PLCE1: variants seen among roughly 807,000 people sequenced by gnomAD.
The protein encoded by PLCE1 is 1-phosphatidylinositol 4,5-bisphosphate phosphodiesterase epsilon-1.
A neutral mutation model predicts 242.8 loss-of-function variants in PLCE1; 119 were observed. The ratio of observed to expected loss-of-function variants is 0.49; its 90% CI spans 0.42 to 0.57. PLCE1 has a LOEUF of 0.57. Ranked by LOEUF, PLCE1 falls within the 20% of genes least tolerant of loss-of-function variation. PLCE1 has a pLI of 0.00. For synonymous variants in PLCE1, 945 were observed against 1,017.4 expected (o/e 0.93, Z 1.35); for missense variants, 2,441 against 2,788.8 (o/e 0.88, Z 2.81).
chr10:94,266,948 C>T (rs2051540278), intron 16 of PLCE1, among the ~76,000 whole-genome samples: 1 of 152,176 alleles, frequency 6.6e-6, no homozygotes, highest in Admixed American at 6.5e-5. Flanking sequence ...GGCCTCAGCC[C>T]CCCACACTGA....
At chr10:94,293,463 T>C in intron 22 of PLCE1, 45 bp from the exon 23 acceptor site, 2 of 1,604,770 alleles carry the variant, frequency 1.2e-6, no homozygotes, top group Non-Finnish European at 1.7e-6. Context: ...TTGAGTTGCC[T>C]TGCTTGTAGT....
chr10:94,124,295 T>C (rs1023510710), intron 2 of PLCE1, among the ~76,000 whole-genome samples: 1 of 151,104 alleles, frequency 6.6e-6, no homozygotes, highest in South Asian at 2.1e-4. Flanking sequence ...GGAAGATCAC[T>C]TGAGCCCAAG....
chr10:94,323,903 T>G (rs2053914993), intron 30 of PLCE1, among the ~76,000 whole-genome samples: 4 of 152,196 alleles, frequency 2.6e-5, no homozygotes, highest in Admixed American at 2.6e-4. Flanking sequence ...CTTCTAAAAT[T>G]CTTTCAACAT....
At chr10:94,104,297 G>A (rs889848324) in intron 2 of PLCE1, 61 of 152,342 alleles carry the variant, frequency 4.0e-4, no homozygotes, top group African/African-American at 1.5e-3. Context: ...AAATCACATC[G>A]CTAGAGTGGC....
rs116563331 is a variant in PLCE1, at chr10:94,034,698, A to G, written c.1206+2446A>G. On this transcript the variant is annotated intron_variant, in intron 2 of 32. Transcript: ENST00000371380. ...GTAAACCTGCTTACACGTCACAGTC[A>G]CTGTCCAGACCCCTCCTCAGGCCCT... Among the ~76,000 whole-genome samples, 608 of 152,268 alleles carry G rather than the reference A, an allele frequency of 4.0e-3. 3 individuals are homozygous for G. Among genetic ancestry groups the G allele is most frequent in the African/African-American group, 0.014 (579 of 41,552 alleles).
At chr10:94,239,616 A>G (rs576033893) in intron 7 of PLCE1, among the ~76,000 whole-genome samples, 1 of 152,322 alleles carries the variant, frequency 6.6e-6, no homozygotes, top group East Asian at 1.9e-4. Context: ...CTTGGCAGTA[A>G]TCACCATTTC....
At chr10:94,177,721 C>G (rs1337927811) in intron 4 of PLCE1, among the ~76,000 whole-genome samples, 1 of 152,186 alleles carries the variant, frequency 6.6e-6, no homozygotes, top group East Asian at 1.9e-4. Flanking sequence ...TCCTTATGAC[C>G]TTACTTTTAA....
chr10:94,022,556 G>A (rs1418903905), intron 1 of PLCE1, among the ~76,000 whole-genome samples: 1 of 151,980 alleles, frequency 6.6e-6, no homozygotes, highest in Non-Finnish European at 1.5e-5. Flanking sequence ...TAGAGTAGAA[G>A]CCTAAATATA....
At chr10:94,243,285 G>A (rs2050570714) in intron 7 of PLCE1, among the ~76,000 whole-genome samples, 1 of 152,116 alleles carries the variant, frequency 6.6e-6, no homozygotes, top group South Asian at 2.1e-4. Flanking sequence ...TCCTAACTGA[G>A]GGGCCTTCAA....
Position 94,199,729 on chromosome 10 carries a change from G to A in PLCE1, c.1810-27577G>A, listed in dbSNP as rs187929698. ...ATGACCGAGATGTAAATCATTAAGC[G>A]TGAGTCAGTTTTGTCAAGAAAAATG... is the stretch of plus-strand genomic sequence containing the variant. On this transcript the variant is annotated intron_variant, in intron 4 of 32. Coordinates refer to ENST00000371380, the MANE Select transcript of PLCE1 (RefSeq NM_016341.4). Among the ~76,000 whole-genome samples the A allele has an allele frequency of 1.7e-3, 263 of 152,304 alleles. 2 individuals are homozygous for A. The highest frequency in any genetic ancestry group is 2.5e-3 in the Non-Finnish European group (170 of 68,030).
intron 4 of PLCE1, among the ~76,000 whole-genome samples, chr10:94,205,717 AACGGTTC>A (rs2049136974): frequency 6.6e-6 from 1 of 152,224 alleles, no homozygotes; most frequent in African/African-American, 2.4e-5. Context: ...CAGATCTCTA[AACGGTTC>A]ATCTGTTCAT....
At chr10:94,066,049 T>C (rs889067648) in intron 2 of PLCE1, among the ~76,000 whole-genome samples, 1 of 152,114 alleles carries the variant, frequency 6.6e-6, no homozygotes, top group Admixed American at 6.5e-5. Flanking sequence ...GCTAAGTTCA[T>C]CTATAAAACA....
At chr10:94,311,043 A>C (rs1269161665) in intron 27 of PLCE1, among the ~76,000 whole-genome samples, 1 of 152,202 alleles carries the variant, frequency 6.6e-6, no homozygotes, top group Admixed American at 6.5e-5. Flanking sequence ...TGATCAGAAC[A>C]GATGTACTTC....
chr10:94,031,207 T>C lies in PLCE1; in HGVS notation c.161T>C (p.Ile54Thr). ...VRRSGETSHT[I>T]SQLNKLKEEP... ...CGAAGTGGGGAGACTTCTCATACCA[T>C]CTCACAACTGAACAAACTTAAAGAA... is the stretch of plus-strand genomic sequence containing the variant. The change falls in exon 2 of 33, where the codon ATC becomes ACC. Residue 54 changes from isoleucine to threonine, a missense_variant. Around this residue, in one of 5 missense-constraint regions of PLCE1, gnomAD observed 393 missense variants for 378.5 expected, o/e 1.04. Transcript: ENST00000371380. The C allele has an allele frequency of 6.2e-7, 1 of 1,613,782 alleles. No individual in the cohort carries two copies. The highest frequency in any genetic ancestry group is 8.5e-7 in the Non-Finnish European group (1 of 1,179,824).
chr10:94,037,849 G>T (rs1202161978), intron 2 of PLCE1, among the ~76,000 whole-genome samples: 1 of 152,168 alleles, frequency 6.6e-6, no homozygotes, highest in Admixed American at 6.5e-5. Flanking sequence ...CTTGACTCTG[G>T]ATTCCAGTGT....
At chr10:94,290,174 G>A (rs948178515) in intron 22 of PLCE1, among the ~76,000 whole-genome samples, 3 of 151,586 alleles carry the variant, frequency 2.0e-5, no homozygotes, top group Non-Finnish European at 4.4e-5. Flanking sequence ...CTACAGGCAT[G>A]TGCCACCAAT....
Position 94,269,019 on chromosome 10 carries a change from A to G in PLCE1, c.4372A>G (p.Thr1458Ala), listed in dbSNP as rs1392078248. ...PIIYHGHTLT[T>A]KIPFKEVVEA... is the part of the protein sequence containing the mutation. ...CATTTATCATGGACATACGCTGACA[A>G]CCAAGATCCCCTTCAAGGTAATCCT... Residue 1458 changes from threonine (T) to alanine (A), a missense_variant, in exon 17 of 33, where the codon ACC becomes GCC. Physicochemically the swap from Thr to Ala is moderately conservative, Grantham distance 58. Transcript: ENST00000371380. The G allele has an allele frequency of 2.6e-5, 42 of 1,589,970 alleles. No homozygotes were observed. Among genetic ancestry groups the G allele is most frequent in the Non-Finnish European group, 3.5e-5 (41 of 1,158,652 alleles).
intron 2 of PLCE1, among the ~76,000 whole-genome samples, chr10:94,093,829 G>A (rs1322304020): frequency 6.6e-6 from 1 of 152,036 alleles, no homozygotes; most frequent in Non-Finnish European, 1.5e-5. Context: ...ATTTGTGCTG[G>A]GTAAGACAGA....
At chr10:94,238,947 G>T (rs1298636881) in intron 7 of PLCE1, among the ~76,000 whole-genome samples, 1 of 152,172 alleles carries the variant, frequency 6.6e-6, no homozygotes, top group East Asian at 1.9e-4. Context: ...CAGTCACATT[G>T]CCTGGGACTG....
Sources: gnomAD v4.1 joint callset for allele counts (sites outside exome capture counted in the v4.1 genomes callset) on GRCh38, gnomAD v4.1.1 for gene constraint, gnomAD v4.1.1 regional missense constraint, MANE v1.5 for transcripts, NCBI Gene and HGNC (gene_info 2026-07-23, HGNC 2026-07-21) for gene names.